The following IGF1 variants were observed in gnomAD, a reference collection of about 807,000 sequenced individuals.
The protein encoded by IGF1 is insulin like growth factor 1.
In IGF1, 4 loss-of-function variants were observed where a neutral mutation model predicts 13.8. The observed-to-expected ratio is 0.29, with a 90% confidence interval of 0.14 to 0.66. IGF1 has a LOEUF of 0.66. Among genes scored for constraint, IGF1 ranks in the 30% least tolerant of loss-of-function variants. The pLI is 0.78. For missense variants in IGF1, 124 were observed against 188.5 expected (o/e 0.66, Z 2.00); for synonymous variants, 76 against 72.6 (o/e 1.05, Z -0.23).
chr12:102,455,892 A>G (rs1185740183), intron 2 of IGF1, among the ~76,000 whole-genome samples: 2 of 152,186 alleles, frequency 1.3e-5, no homozygotes, highest in African/African-American at 4.8e-5. Flanking sequence ...GGTTAACCAT[A>G]TGTAAAGAGT....
chr12:102,397,215 A>T lies in IGF1; in HGVS notation c.*5292T>A. 1 of 175,940 alleles carries T rather than the reference A, an allele frequency of 5.7e-6. No homozygotes were observed. The highest frequency in any genetic ancestry group is 1.2e-5 in the Non-Finnish European group (1 of 84,210). The allele number at this position is 175,940 out of a possible 1,614,324, so 10.9% of individuals were successfully genotyped here. On this transcript the variant is annotated 3_prime_UTR_variant, in exon 4 of 4. Transcript: ENST00000337514. Reference sequence around the variant, plus strand: ...AGACCCCATCTCACAAAAAGGAAAAAAAAAAAGAGGGAACACGTGAAATAT... The same window carrying T: ...AGACCCCATCTCACAAAAAGGAAAATAAAAAAGAGGGAACACGTGAAATAT...
chr12:102,473,116 C>A (rs567049634), intron 2 of IGF1, among the ~76,000 whole-genome samples: 91 of 152,290 alleles, frequency 6.0e-4, no homozygotes, highest in African/African-American at 2.2e-3. Flanking sequence ...ATGAGCTAGA[C>A]ACTTGGATTC....
At chr12:102,417,874 G>T in intron 3 of IGF1, 2 of 1,613,694 alleles carry the variant, frequency 1.2e-6, no homozygotes, top group African/African-American at 1.3e-5. Flanking sequence ...TCCCTCCTCT[G>T]CTCTTTCTTC....
intron 2 of IGF1, among the ~76,000 whole-genome samples, chr12:102,455,639 G>C (rs895173358): frequency 2.6e-5 from 4 of 152,190 alleles, no homozygotes; most frequent in Non-Finnish European, 4.4e-5. Flanking sequence ...TTAATGCTTA[G>C]TTTGCAGTAG....
intron 2 of IGF1, among the ~76,000 whole-genome samples, chr12:102,441,906 G>GCTGCTTCTGCTTCTTCTT: frequency 1.0e-5 from 1 of 100,292 alleles, no homozygotes; most frequent in Non-Finnish European, 2.1e-5. Flanking sequence ...CTATTACACT[G>GCTGCTTCTGCTTCTTCTT]CTTCTTCTCC....
At position 102,397,009 on chromosome 12, in the gene IGF1, T is replaced by G. The variant is rs1873248590; in HGVS notation, c.*5498A>C. The G allele has an allele frequency of 5.1e-6, 2 of 392,054 alleles. No individual in the cohort carries two copies. Among genetic ancestry groups the G allele is most frequent in the Admixed American group, 8.9e-5 (2 of 22,526 alleles). 24.3% of individuals were successfully genotyped at this position (392,054 alleles called of 1,614,324 possible). A position where few individuals can be genotyped will look rare whatever the true frequency, so the allele number is the denominator to read the frequency against. On this transcript the variant is annotated 3_prime_UTR_variant, in exon 4 of 4. Coordinates refer to ENST00000337514, the MANE Select transcript of IGF1 (RefSeq NM_000618.5). ...CAAGGTCAGGAGTTTGAGACCAACC[T>G]GGCCAACATGGTAAAACCCCGTCTC... is the stretch of plus-strand genomic sequence containing the variant.
At position 102,396,966 on chromosome 12, in the gene IGF1, G is replaced by A; in HGVS notation, c.*5541C>T. On this transcript the variant is annotated 3_prime_UTR_variant, in exon 4 of 4. Transcript: ENST00000337514. Reference sequence around the variant, plus strand: ...GCCTGTAATCCCAGCAATTTGGGAGGCTGAGGCGGGCAAATCACAAGGTCA... The same window carrying A: ...GCCTGTAATCCCAGCAATTTGGGAGACTGAGGCGGGCAAATCACAAGGTCA... 1 of 397,484 alleles carries A rather than the reference G, an allele frequency of 2.5e-6. No homozygotes were observed. Among genetic ancestry groups the A allele is most frequent in the East Asian group, 3.6e-5 (1 of 28,026 alleles). The allele number at this position is 397,484 out of a possible 1,614,324, so 24.6% of individuals were successfully genotyped here.
At chr12:102,465,104 A>G (rs1156302571) in intron 2 of IGF1, among the ~76,000 whole-genome samples, 1 of 152,234 alleles carries the variant, frequency 6.6e-6, no homozygotes, top group East Asian at 1.9e-4. Context: ...ATGTAAAGTG[A>G]TATGTGAACA....
Position 102,448,711 on chromosome 12 carries a change from A to G in IGF1, c.220+26932T>C, listed in dbSNP as rs1878604263. On this transcript the variant is annotated intron_variant, in intron 2 of 3. Coordinates refer to ENST00000337514, the MANE Select transcript of IGF1 (RefSeq NM_000618.5). ...TAATAAAAAAAAAAAAAAAAAAAAAAAAAAATCTCATCAGAAAGTGGGCAA... is the reference window on the plus strand; with the variant it reads ...TAATAAAAAAAAAAAAAAAAAAAAAGAAAAATCTCATCAGAAAGTGGGCAA... Among the ~76,000 whole-genome samples the G allele has an allele frequency of 1.0e-4, 15 of 145,838 alleles. No homozygotes were observed. The South Asian group carries it at 3.0e-3, about 29-fold the overall frequency.
At chr12:102,446,732 CT>C (rs1199872771) in intron 2 of IGF1, among the ~76,000 whole-genome samples, 1 of 152,126 alleles carries the variant, frequency 6.6e-6, no homozygotes, top group Non-Finnish European at 1.5e-5. Flanking sequence ...TTCAGTTCTG[CT>C]CTGATCTTAG....
intron 2 of IGF1, among the ~76,000 whole-genome samples, chr12:102,451,658 G>A (rs1401061160): frequency 6.6e-6 from 1 of 152,210 alleles, no homozygotes; most frequent in East Asian, 1.9e-4. Flanking sequence ...CCAGTGCACA[G>A]GGATCTCTCC....
At chr12:102,442,762 A>G (rs1163066298) in intron 2 of IGF1, among the ~76,000 whole-genome samples, 3 of 152,156 alleles carry the variant, frequency 2.0e-5, no homozygotes, top group African/African-American at 7.2e-5. Context: ...CTCAAGAAAT[A>G]TGGCCGCCAG....
chr12:102,456,280 A>C (rs1416903045), intron 2 of IGF1, among the ~76,000 whole-genome samples: 1 of 150,682 alleles, frequency 6.6e-6, no homozygotes, highest in East Asian at 1.9e-4. Context: ...TGTCTAATCT[A>C]GAGATCCTGA....
At chr12:102,436,950 AG>A (rs745633465) in intron 2 of IGF1, among the ~76,000 whole-genome samples, 41 of 152,356 alleles carry the variant, frequency 2.7e-4, no homozygotes, top group Admixed American at 5.9e-4. Flanking sequence ...GAGCACTGGG[AG>A]GGAAGGCAGG....
chr12:102,444,951 C>T (rs746625928), intron 2 of IGF1, among the ~76,000 whole-genome samples: 5 of 152,096 alleles, frequency 3.3e-5, no homozygotes, highest in Non-Finnish European at 7.4e-5. Context: ...ATGACCATCT[C>T]ATAAATTGGT....
intron 2 of IGF1, among the ~76,000 whole-genome samples, chr12:102,473,144 T>C (rs1880793057): frequency 6.6e-6 from 1 of 152,180 alleles, no homozygotes; most frequent in Admixed American, 6.5e-5. Context: ...AATAAATATG[T>C]CCTTTGGCAT....
chr12:102,428,236 G>GTATATATATATATATA lies in IGF1; in HGVS notation c.221-8547_221-8546insTATATATATATATATA, dbSNP rs56947594. 2.2e-3 allele frequency among the ~76,000 whole-genome samples: 154 copies of GTATATATATATATATA among 69,578 alleles called. 29 individuals are homozygous for GTATATATATATATATA. The highest frequency in any genetic ancestry group is 8.0e-3 in the South Asian group (15 of 1,872). The allele number at this position is 69,578 out of a possible 152,430, so 45.6% of individuals were successfully genotyped here. A position where few individuals can be genotyped will look rare whatever the true frequency, so the allele number is the denominator to read the frequency against. On this transcript the variant is annotated intron_variant, in intron 2 of 3. Transcript: ENST00000337514. ...CGACCCACTTTGTAATCAATAATGT[G>GTATATATATATATATA]TATATATATATATGGCATATTAATG... is the stretch of plus-strand genomic sequence containing the variant.
chr12:102,459,938 A>G (rs1329159590), intron 2 of IGF1, among the ~76,000 whole-genome samples: 1 of 152,230 alleles, frequency 6.6e-6, no homozygotes, highest in East Asian at 1.9e-4. Flanking sequence ...AGACAAGCGT[A>G]TAGTTAATAT....
intron 2 of IGF1, among the ~76,000 whole-genome samples, chr12:102,453,835 T>C (rs919082933): frequency 6.6e-6 from 1 of 152,354 alleles, no homozygotes; most frequent in Non-Finnish European, 1.5e-5. Flanking sequence ...TTAGAATCTA[T>C]GTGCCTTTAA....
Sources: gnomAD v4.1 joint callset for allele counts (sites outside exome capture counted in the v4.1 genomes callset) on GRCh38, gnomAD v4.1.1 for gene constraint, MANE v1.5 for transcripts, NCBI Gene and HGNC (gene_info 2026-07-23, HGNC 2026-07-21) for gene names.